The following SEMA6D variants were observed in gnomAD, a reference collection of about 807,000 sequenced individuals.
SEMA6D encodes semaphorin 6D, also known as semaphorin-6D.
A neutral mutation model predicts 106.6 loss-of-function variants in SEMA6D; 35 were observed. That is an observed-to-expected ratio of 0.33 (90% CI 0.25 to 0.44). SEMA6D has a LOEUF of 0.44. Among genes scored for constraint, SEMA6D ranks in the 20% least tolerant of loss-of-function variants. The pLI is 1.00. For synonymous variants in SEMA6D, 499 were observed against 487.7 expected, an observed-to-expected ratio of 1.02 and a Z score of -0.31; for missense variants, 1,185 against 1,345.9, an observed-to-expected ratio of 0.88 and a Z score of 1.87.
chr15:47,681,493 A>G (rs749417395), intron 4 of SEMA6D, among the ~76,000 whole-genome samples: 3 of 152,214 alleles, frequency 2.0e-5, no homozygotes, highest in Non-Finnish European at 2.9e-5. Flanking sequence ...AGTCTCAGTG[A>G]TGCAAGATGA....
intron 3 of SEMA6D, among the ~76,000 whole-genome samples, chr15:47,472,929 A>T (rs2042894745): frequency 6.6e-6 from 1 of 152,294 alleles, no homozygotes; most frequent in South Asian, 2.1e-4. Flanking sequence ...AGAGCAAATG[A>T]CACCCATTTT....
chr15:47,229,129 C>T (rs1315873641), intron 1 of SEMA6D, among the ~76,000 whole-genome samples: 1 of 152,034 alleles, frequency 6.6e-6, no homozygotes, highest in Non-Finnish European at 1.5e-5. Flanking sequence ...CTCTATGCTA[C>T]TGCTTTGGGG....
chr15:47,217,554 C>G (rs1444845110), intron 1 of SEMA6D, among the ~76,000 whole-genome samples: 1 of 135,800 alleles, frequency 7.4e-6, no homozygotes, highest in African/African-American at 3.1e-5. Flanking sequence ...AAATACAAAC[C>G]ACGCGTGCAC....
Position 47,771,830 on chromosome 15 carries a change from G to C in SEMA6D, c.*45G>C, listed in dbSNP as rs759262830. On this transcript the variant is annotated 3_prime_UTR_variant, in exon 19 of 19. Transcript: ENST00000536845. The stretch of plus-strand genomic sequence containing the variant: ...CATGTGGCTTTATCCTGTCCGTGTT[G>C]TTGAGAGGATGATGTTGTAAGGGTA... 1.9e-6 allele frequency: 3 copies of C among 1,541,450 alleles called. No individual in the cohort carries two copies. Among genetic ancestry groups the C allele is most frequent in the Non-Finnish European group, 1.8e-6 (2 of 1,130,882 alleles).
chr15:47,538,089 G>C (rs1369278197), intron 3 of SEMA6D, among the ~76,000 whole-genome samples: 1 of 152,154 alleles, frequency 6.6e-6, no homozygotes, highest in Non-Finnish European at 1.5e-5. Context: ...CACAGAATTA[G>C]GGATGGGGTA....
intron 1 of SEMA6D, chr15:47,718,680 G>C (rs545791276): frequency 2.6e-5 from 4 of 152,326 alleles, no homozygotes; most frequent in Non-Finnish European, 5.9e-5. Flanking sequence ...TCTTGGACAG[G>C]GTCTCCGCCA....
intron 15 of SEMA6D, 121 bp downstream of exon 15, chr15:47,766,303 CA>C: frequency 1.2e-6 from 1 of 855,986 alleles, no homozygotes; most frequent in Non-Finnish European, 1.8e-6. Flanking sequence ...ATGGGAGAAA[CA>C]GGAAAACGAA....
At chr15:47,288,015 A>T (rs2035445618) in intron 1 of SEMA6D, among the ~76,000 whole-genome samples, 1 of 152,124 alleles carries the variant, frequency 6.6e-6, no homozygotes, top group African/African-American at 2.4e-5. Flanking sequence ...GAGAGAGTGC[A>T]GCGGGGTGGG....
chr15:47,765,393 A>G, intron 13 of SEMA6D: 1 of 1,099,348 alleles, frequency 9.1e-7, no homozygotes, highest in Non-Finnish European at 1.1e-6. Context: ...CACACACACA[A>G]ATATACATGC....
At chr15:47,582,879 C>T (rs779702136) in intron 3 of SEMA6D, among the ~76,000 whole-genome samples, 2 of 151,844 alleles carry the variant, frequency 1.3e-5, no homozygotes, top group Non-Finnish European at 2.9e-5. Flanking sequence ...GAATCTTTCA[C>T]GTAGACACTG....
intron 2 of SEMA6D, among the ~76,000 whole-genome samples, chr15:47,452,587 GA>G (rs918311829): frequency 2.2e-4 from 34 of 151,750 alleles, no homozygotes; most frequent in African/African-American, 7.7e-4. Context: ...CATTTTTAAG[GA>G]AAAAAATCTT....
chr15:47,768,345 C>T (rs1378135953), intron 17 of SEMA6D, among the ~76,000 whole-genome samples: 2 of 152,140 alleles, frequency 1.3e-5, no homozygotes, highest in East Asian at 3.8e-4. Flanking sequence ...TCCTAAGAGC[C>T]TTTCGAGTAT....
chr15:47,675,269 G>A (rs577657070), intron 4 of SEMA6D, among the ~76,000 whole-genome samples: 1 of 152,288 alleles, frequency 6.6e-6, no homozygotes, highest in South Asian at 2.1e-4. Context: ...CTAATCCCTA[G>A]GACCTCAGAA....
intron 1 of SEMA6D, among the ~76,000 whole-genome samples, chr15:47,724,770 A>G (rs972610079): frequency 1.3e-5 from 2 of 152,222 alleles, no homozygotes; most frequent in African/African-American, 2.4e-5. Context: ...TCTCTGGTCT[A>G]CTATACTTAG....
Position 47,494,741 on chromosome 15 carries a change from G to GATATATATATAT in SEMA6D, c.-87+24234_-87+24245dup, listed in dbSNP as rs202139404. Among the ~76,000 whole-genome samples the GATATATATATAT allele has an allele frequency of 1.0e-3, 34 of 32,982 alleles. 1 individual carries two copies. Among genetic ancestry groups the GATATATATATAT allele is most frequent in the Non-Finnish European group, 1.4e-3 (17 of 11,964 alleles). The allele number at this position is 32,982 out of a possible 152,430, so 21.6% of individuals were successfully genotyped here. A position where few individuals can be genotyped will look rare whatever the true frequency, so the allele number is the denominator to read the frequency against. Reference sequence around the variant, plus strand: ...TTAAAAATCTGGAGAGTGGGATGGAGATATATATATATATATATATATATA... The same window carrying GATATATATATAT: ...TTAAAAATCTGGAGAGTGGGATGGAGATATATATATATATATATATATATATATATATATATA... On this transcript the variant is annotated intron_variant, in intron 3 of 19. Transcript: ENST00000558014.
At chr15:47,210,346 A>G (rs1349383269) in intron 1 of SEMA6D, among the ~76,000 whole-genome samples, 3 of 152,196 alleles carry the variant, frequency 2.0e-5, no homozygotes, top group African/African-American at 4.8e-5. Context: ...AGGTTGTTAT[A>G]TGACCTCCCT....
intron 1 of SEMA6D, among the ~76,000 whole-genome samples, chr15:47,350,591 G>A (rs2038284617): frequency 6.6e-6 from 1 of 152,066 alleles, no homozygotes; most frequent in Non-Finnish European, 1.5e-5. Context: ...GTTTGTTTTC[G>A]TGCGGAGGAG....
At chr15:47,487,448 AT>A (rs1323790480) in intron 3 of SEMA6D, among the ~76,000 whole-genome samples, 2 of 152,224 alleles carry the variant, frequency 1.3e-5, no homozygotes, top group African/African-American at 4.8e-5. Context: ...ACATCTGTAC[AT>A]ATGTATTCAG....
intron 1 of SEMA6D, among the ~76,000 whole-genome samples, chr15:47,309,110 T>G (rs535711857): frequency 8.2e-4 from 125 of 152,324 alleles, no homozygotes; most frequent in Non-Finnish European, 1.0e-3. Context: ...ATGAACCCAC[T>G]GTACATTTAA....
Sources: allele counts gnomAD v4.1 joint callset (sites outside exome capture counted in the v4.1 genomes callset), GRCh38; gene constraint gnomAD v4.1.1; transcripts MANE v1.5; gene names NCBI Gene and HGNC (gene_info 2026-07-23, HGNC 2026-07-21).